Variants in EP300 observed in about 807,000 individuals in gnomAD.
EP300 encodes the protein EP300 lysine acetyltransferase.
A neutral mutation model predicts 264.0 loss-of-function variants in EP300; 31 were observed. The observed-to-expected ratio is 0.12, with a 90% confidence interval of 0.09 to 0.16. The LOEUF (loss-of-function observed/expected upper bound fraction) is 0.16. Ranked by LOEUF, EP300 falls within the 10% of genes least tolerant of loss-of-function variation. EP300 has a pLI of 1.00. For missense variants in EP300, 2,766 were observed against 3,052.9 expected, an observed-to-expected ratio of 0.91 and a Z score of 2.21; for synonymous variants, 1,340 against 1,045.4, an observed-to-expected ratio of 1.28 and a Z score of -5.44.
intron 2 of EP300, among the ~76,000 whole-genome samples, chr22:41,122,378 C>G (rs1451785402): frequency 6.6e-6 from 1 of 151,918 alleles, no homozygotes; most frequent in East Asian, 1.9e-4. Context: ...GTTGGCCAGG[C>G]TGGTTTCAAA....
chr22:41,094,433 A>G (rs1569078284), intron 1 of EP300, among the ~76,000 whole-genome samples: 1 of 152,230 alleles, frequency 6.6e-6, no homozygotes, highest in East Asian at 1.9e-4. Context: ...AAGATGTGAA[A>G]TGAATTTAAG....
intron 12 of EP300, among the ~76,000 whole-genome samples, chr22:41,148,415 T>A (rs975226369): frequency 2.0e-5 from 3 of 152,182 alleles, no homozygotes; most frequent in Non-Finnish European, 4.4e-5. Context: ...CATTACTACT[T>A]CTCACTAATC....
intron 23 of EP300, among the ~76,000 whole-genome samples, chr22:41,167,837 T>G (rs1409931876): frequency 2.9e-4 from 27 of 93,340 alleles, no homozygotes; most frequent in Non-Finnish European, 4.4e-4. Flanking sequence ...TTTTTTTTTT[T>G]TTTTTTTTTT....
intron 4 of EP300, 74 bp downstream of exon 4, chr22:41,127,822 C>CA (rs2058891796): frequency 1.3e-6 from 2 of 1,584,508 alleles, no homozygotes; most frequent in African/African-American, 1.3e-5. Context: ...GTGATCAAGT[C>CA]TATTTTGTGG....
At chr22:41,137,819 C>A (rs371872045) in intron 8 of EP300, 29 bp downstream of exon 8, 3 of 1,613,808 alleles carry the variant, frequency 1.9e-6, no homozygotes, top group Non-Finnish European at 2.5e-6. Flanking sequence ...ACGTCTCATT[C>A]GTAAAGAGAT....
At chr22:41,119,153 C>G (rs990519592) in intron 2 of EP300, among the ~76,000 whole-genome samples, 1 of 145,166 alleles carries the variant, frequency 6.9e-6, no homozygotes, top group Non-Finnish European at 1.5e-5. Flanking sequence ...AAGGCACATA[C>G]CACCATGCCT....
intron 1 of EP300, among the ~76,000 whole-genome samples, chr22:41,109,717 T>G (rs2058778074): frequency 1.3e-5 from 2 of 152,066 alleles, no homozygotes; most frequent in African/African-American, 2.4e-5. Flanking sequence ...TGCATCTTTT[T>G]TTTTTGGCAG....
intron 27 of EP300, among the ~76,000 whole-genome samples, chr22:41,170,892 TGA>T (rs1244626268): frequency 2.6e-5 from 4 of 151,450 alleles, no homozygotes; most frequent in Non-Finnish European, 4.4e-5. Context: ...CTCGATCTCC[TGA>T]CCTTGTGATC....
chr22:41,170,962 CTTTTTTTT>C, intron 27 of EP300, among the ~76,000 whole-genome samples: 1 of 136,612 alleles, frequency 7.3e-6, no homozygotes, highest in Admixed American at 7.3e-5. Flanking sequence ...CGTGCCCAGC[CTTTTTTTT>C]TTTTTTTTAA....
chr22:41,133,238 C>T (rs763397420), intron 6 of EP300, among the ~76,000 whole-genome samples: 1 of 148,480 alleles, frequency 6.7e-6, no homozygotes, highest in Non-Finnish European at 1.5e-5. Flanking sequence ...CTCACTGCAA[C>T]TTCCGCCTCC....
chr22:41,141,312 ACTATT>A (rs2058981022), intron 10 of EP300, 90 bp downstream of exon 10: 11 of 1,415,622 alleles, frequency 7.8e-6, no homozygotes. Flanking sequence ...AGCTTGTGTA[ACTATT>A]CTAGAGTTTT....
At position 41,127,492 on chromosome 22, in the gene EP300, ACAGCCAGCCCCGCAGGTCCAG is replaced by A; in HGVS notation, c.920_940del (p.Ala307_Pro313del). On this transcript the variant is annotated inframe_deletion, in exon 4 of 31. Transcript: ENST00000263253. ...TATATTGTTATATCTCTCAGGGTCA[ACAGCCAGCCCCGCAGGTCCAG>A]CAGCCAGGCCTGGTGACTCCAGTTG... 2 of 1,614,192 alleles carry A rather than the reference ACAGCCAGCCCCGCAGGTCCAG, an allele frequency of 1.2e-6. No individual in the cohort carries two copies. The highest frequency in any genetic ancestry group is 4.5e-5 in the East Asian group (2 of 44,882).
chr22:41,094,998 T>A (rs938535735), intron 1 of EP300, among the ~76,000 whole-genome samples: 51 of 152,252 alleles, frequency 3.3e-4, no homozygotes, highest in Non-Finnish European at 1.3e-4. Context: ...AAAAAAAAAC[T>A]CAACATTGAG....
chr22:41,110,081 T>G (rs2058780511), intron 1 of EP300, among the ~76,000 whole-genome samples: 1 of 148,174 alleles, frequency 6.7e-6, no homozygotes, highest in Admixed American at 6.9e-5. Flanking sequence ...AGTGCTGGGA[T>G]TACAGGTGTG....
rs2059152496 is a variant in EP300, at chr22:41,168,456, A to G, written c.3882A>G (p.Pro1294=). 1.9e-6 allele frequency: 3 copies of G among 1,614,226 alleles called. No homozygotes were observed. The highest frequency in any genetic ancestry group is 1.7e-6 in the Non-Finnish European group (2 of 1,180,042). ...KENKFSAKRL[P]STRLGTFLEN... is the part of the protein sequence containing the mutation. ...TAACTTTTACATTCCTAGGGTTGCCATCTACCAGACTTGGCACCTTTCTAG... is the reference window on the plus strand; with the variant it reads ...TAACTTTTACATTCCTAGGGTTGCCGTCTACCAGACTTGGCACCTTTCTAG... The change falls in exon 24 of 31, where the codon CCA becomes CCG. Residue 1294 remains proline, a synonymous_variant. Coordinates refer to ENST00000263253, the MANE Select transcript of EP300 (RefSeq NM_001429.4).
chr22:41,173,600 G>A (rs369932910), intron 28 of EP300, 23 bp from the exon 29 acceptor site: 19 of 1,613,272 alleles, frequency 1.2e-5, no homozygotes, highest in East Asian at 4.5e-5. Flanking sequence ...TTATTTTCTT[G>A]TCTCCTTTGT....
At chr22:41,153,723 C>T (rs1217041685) in intron 16 of EP300, among the ~76,000 whole-genome samples, 2 of 152,112 alleles carry the variant, frequency 1.3e-5, no homozygotes, top group African/African-American at 4.8e-5. Flanking sequence ...CACTGCACTC[C>T]AGCCTGAGTG....
intron 2 of EP300, among the ~76,000 whole-genome samples, chr22:41,122,462 G>A (rs774988143): frequency 2.1e-4 from 32 of 151,940 alleles, no homozygotes; most frequent in Non-Finnish European, 4.4e-4. Context: ...CACCGTGCCC[G>A]ACCAAGAAAT....
intron 2 of EP300, among the ~76,000 whole-genome samples, chr22:41,122,030 C>T (rs922120101): frequency 6.6e-6 from 1 of 152,204 alleles, no homozygotes; most frequent in Non-Finnish European, 1.5e-5. Flanking sequence ...GCAGCACTTG[C>T]AGTCAGATTT....
Sources: allele counts gnomAD v4.1 joint callset (sites outside exome capture counted in the v4.1 genomes callset), GRCh38; gene constraint gnomAD v4.1.1; transcripts MANE v1.5; gene names NCBI Gene and HGNC (gene_info 2026-07-23, HGNC 2026-07-21).